The following BOLL variants were observed in gnomAD, a reference collection of about 807,000 sequenced individuals.
BOLL encodes protein boule-like.
A neutral mutation model predicts 44.4 loss-of-function variants in BOLL; 23 were observed. The ratio of observed to expected loss-of-function variants is 0.52; its 90% CI spans 0.37 to 0.73. The LOEUF (loss-of-function observed/expected upper bound fraction) is 0.73. Among genes scored for constraint, BOLL ranks in the 30% least tolerant of loss-of-function variants. The probability of loss-of-function intolerance (pLI) is 0.00; values close to 1 mark genes in which losing one functional copy is unlikely to be tolerated. For synonymous variants in BOLL, 97 were observed against 110.8 expected, an observed-to-expected ratio of 0.88 and a Z score of 0.78; for missense variants, 287 against 338.3, an observed-to-expected ratio of 0.85 and a Z score of 1.19.
chr2:197,743,570 TGTG>T (rs1687858528), intron 9 of BOLL, among the ~76,000 whole-genome samples: 1 of 152,172 alleles, frequency 6.6e-6, no homozygotes, highest in Non-Finnish European at 1.5e-5. Flanking sequence ...ATACAAAATT[TGTG>T]GTATCTGTAG....
Position 197,734,639 on chromosome 2 carries a change from A to G in BOLL, c.829-6061T>C, listed in dbSNP as rs534445488. ...GAATACTATGCAGCCATAAAAAATG[A>G]TGAGTTCATGTCCTTTGTAGGGACA... On this transcript the variant is annotated intron_variant, in intron 10 of 10. Transcript: ENST00000392296. 3.9e-5 allele frequency among the ~76,000 whole-genome samples: 6 copies of G among 152,334 alleles called. No homozygotes were observed. The South Asian group carries it at 8.3e-4, about 21-fold the overall frequency.
Position 197,728,188 on chromosome 2 carries a change from A to G in BOLL, c.*367T>C. ...TAAATATCAAATAATATGAAACATA[A>G]CATCTAATTGTTTGATAAGAAAAAA... On this transcript the variant is annotated 3_prime_UTR_variant, in exon 11 of 11. Coordinates refer to ENST00000392296, the MANE Select transcript of BOLL (RefSeq NM_033030.6). The G allele has an allele frequency of 2.8e-6, 1 of 354,434 alleles. No individual in the cohort carries two copies. Among genetic ancestry groups the G allele is most frequent in the Non-Finnish European group, 5.0e-6 (1 of 199,044 alleles). 22.0% of individuals were successfully genotyped at this position (354,434 alleles called of 1,614,324 possible). A position where few individuals can be genotyped will look rare whatever the true frequency, so the allele number is the denominator to read the frequency against.
intron 9 of BOLL, among the ~76,000 whole-genome samples, chr2:197,754,687 C>T (rs938502218): frequency 6.7e-6 from 1 of 148,446 alleles, no homozygotes; most frequent in Non-Finnish European, 1.5e-5. Context: ...GCACTCTAGC[C>T]TGGGCGATGG....
In BOLL at chr2:197,781,960, T is replaced by A. The variant is rs1012352067; in HGVS notation, c.-15-95A>T. 5.5e-6 allele frequency: 6 copies of A among 1,094,706 alleles called. No homozygotes were observed. In the East Asian group the frequency reaches 1.5e-4, roughly 28 times the overall value. The allele number at this position is 1,094,706 out of a possible 1,614,324, so 67.8% of individuals were successfully genotyped here. ...AACATATATTTTTCAAAAAGAAGAG[T>A]CATTTAGGCAAAATATAGTATTCTA... On this transcript the variant is annotated intron_variant, in intron 1 of 10. Transcript: ENST00000392296.
In BOLL at chr2:197,777,228, A is replaced by ACAG. The variant is rs1689556414; in HGVS notation, c.222-116_222-115insCTG. On this transcript the variant is annotated intron_variant, in intron 3 of 10. Transcript: ENST00000392296. The stretch of plus-strand genomic sequence containing the variant: ...ATCATCGGCCACTGTAGGAGTAGGC[A>ACAG]TGTTTCTATGCTGCACTAGCATGGG... The ACAG allele has an allele frequency of 2.8e-5, 15 of 542,504 alleles. No homozygotes were observed. The South Asian group carries it at 5.4e-4, about 20-fold the overall frequency. 33.6% of individuals were successfully genotyped at this position (542,504 alleles called of 1,614,324 possible). A position where few individuals can be genotyped will look rare whatever the true frequency, so the allele number is the denominator to read the frequency against.
chr2:197,780,907 T>C (rs932711993), intron 2 of BOLL, among the ~76,000 whole-genome samples: 1 of 152,102 alleles, frequency 6.6e-6, no homozygotes, highest in Non-Finnish European at 1.5e-5. Context: ...TGCATGCCTT[T>C]CTTGTAGGTG....
intron 10 of BOLL, among the ~76,000 whole-genome samples, chr2:197,731,130 C>A (rs1460826943): frequency 3.3e-5 from 5 of 151,838 alleles, no homozygotes; most frequent in Admixed American, 6.6e-5. Context: ...CCTACCAAGC[C>A]AATGGAAAAC....
At chr2:197,753,072 A>C in intron 9 of BOLL, among the ~76,000 whole-genome samples, 1 of 152,248 alleles carries the variant, frequency 6.6e-6, no homozygotes. Context: ...CCTATTTAAT[A>C]AATGGTGTCG....
At chr2:197,779,411 G>C (rs780847771) in intron 2 of BOLL, among the ~76,000 whole-genome samples, 1 of 151,944 alleles carries the variant, frequency 6.6e-6, no homozygotes, top group Non-Finnish European at 1.5e-5. Context: ...TCCATAGTAA[G>C]GGTACAATAC....
intron 10 of BOLL, among the ~76,000 whole-genome samples, chr2:197,729,359 T>A (rs375131649): frequency 2.0e-3 from 308 of 152,106 alleles, no homozygotes; most frequent in African/African-American, 4.1e-3. Flanking sequence ...GTCTGAGCTC[T>A]AACTGCAAGG....
chr2:197,744,905 G>C (rs1687920191), intron 9 of BOLL, among the ~76,000 whole-genome samples: 3 of 152,150 alleles, frequency 2.0e-5, no homozygotes, highest in African/African-American at 7.2e-5. Context: ...ATACAAGACA[G>C]AAAAAGAACA....
intron 10 of BOLL, among the ~76,000 whole-genome samples, chr2:197,742,848 A>C (rs1687816702): frequency 6.6e-6 from 1 of 152,066 alleles, no homozygotes; most frequent in Admixed American, 6.6e-5. Flanking sequence ...TTTAAAAAAG[A>C]AAATTTTTAA....
intron 7 of BOLL, among the ~76,000 whole-genome samples, chr2:197,764,191 T>G (rs979549171): frequency 2.0e-5 from 3 of 152,110 alleles, no homozygotes; most frequent in African/African-American, 7.2e-5. Flanking sequence ...TACTGGGAAT[T>G]TATTTGGAGA....
intron 5 of BOLL, among the ~76,000 whole-genome samples, chr2:197,772,366 A>C (rs1230292574): frequency 6.6e-6 from 1 of 152,008 alleles, no homozygotes; most frequent in Non-Finnish European, 1.5e-5. Context: ...AAGACAACAT[A>C]CACTGTAGTG....
At chr2:197,757,282 T>C (rs933056889) in intron 8 of BOLL, 71 bp downstream of exon 8, 4 of 1,329,466 alleles carry the variant, frequency 3.0e-6, no homozygotes, top group Non-Finnish European at 4.2e-6. Flanking sequence ...AAAACTTTAG[T>C]ATTCATGCAG....
intron 3 of BOLL, among the ~76,000 whole-genome samples, chr2:197,778,340 C>A (rs777154284): frequency 2.6e-5 from 4 of 151,862 alleles, no homozygotes; most frequent in Non-Finnish European, 5.9e-5. Context: ...TATCTATTTT[C>A]TTTTAACTTT....
chr2:197,767,204 G>A (rs1386643783), intron 6 of BOLL, among the ~76,000 whole-genome samples: 1 of 151,922 alleles, frequency 6.6e-6, no homozygotes, highest in Admixed American at 6.6e-5. Flanking sequence ...AAGTGAAAGA[G>A]TAAGCCCCAA....
intron 9 of BOLL, among the ~76,000 whole-genome samples, chr2:197,746,384 T>A (rs1158832285): frequency 1.3e-5 from 2 of 152,204 alleles, no homozygotes; most frequent in African/African-American, 4.8e-5. Context: ...AGTCAAGATA[T>A]GGAATCAACC....
chr2:197,756,621 T>C lies in BOLL; in HGVS notation c.601-65A>G, dbSNP rs1214586415. ...GTTATTTCTGTTAAACCAAATGACT[T>C]AGCCAACAGATGAGAGAAGTACTTG... On this transcript the variant is annotated intron_variant, in intron 8 of 10. Coordinates refer to ENST00000392296, the MANE Select transcript of BOLL (RefSeq NM_033030.6). The C allele has an allele frequency of 2.8e-6, 4 of 1,430,584 alleles. No homozygotes were observed. In the African/African-American group the frequency reaches 4.3e-5, roughly 16 times the overall value. The allele number at this position is 1,430,584 out of a possible 1,614,324, so 88.6% of individuals were successfully genotyped here.
Sources: gnomAD v4.1 joint callset for allele counts (sites outside exome capture counted in the v4.1 genomes callset) on GRCh38, gnomAD v4.1.1 for gene constraint, MANE v1.5 for transcripts, NCBI Gene and HGNC (gene_info 2026-07-23, HGNC 2026-07-21) for gene names.